Variants in ALLC observed in about 807,000 individuals in gnomAD.
ALLC encodes probable inactive allantoicase.
In ALLC, 40 loss-of-function variants were observed where a neutral mutation model predicts 45.0. That is an observed-to-expected ratio of 0.89 (90% CI 0.69 to 1.16). ALLC has a LOEUF of 1.16. Ranked by LOEUF, ALLC falls within the 50% of genes most tolerant of loss-of-function variation. The pLI is 0.00. For missense variants in ALLC, 488 were observed against 493.1 expected, an observed-to-expected ratio of 0.99 and a Z score of 0.10; for synonymous variants, 176 against 178.1, an observed-to-expected ratio of 0.99 and a Z score of 0.09.
At chr2:3,649,962 C>T in the ALLC span, among the ~76,000 whole-genome samples, 2 of 152,394 alleles carry the variant, frequency 1.3e-5, no homozygotes, top group African/African-American at 2.4e-5. Context: ...CGTAGCTTCC[C>T]CAGCTACAGC....
At chr2:3,652,782 G>A in the ALLC span, among the ~76,000 whole-genome samples, 5 of 152,008 alleles carry the variant, frequency 3.3e-5, no homozygotes, top group African/African-American at 1.2e-4. Context: ...GGGTTTCACC[G>A]TGTTGCGCAG....
chr2:3,668,766 G>A (rs890825845), intron 1 of ALLC, among the ~76,000 whole-genome samples: 13 of 151,218 alleles, frequency 8.6e-5, no homozygotes, highest in African/African-American at 2.9e-4. Context: ...AGTAGAGACG[G>A]GGTTTCTCTA....
chr2:3,695,723 G>A lies in ALLC; in HGVS notation c.518G>A (p.Gly173Glu). 6.2e-7 allele frequency: 1 copy of A among 1,613,958 alleles called. No homozygotes were observed. Among genetic ancestry groups the A allele is most frequent in the Non-Finnish European group, 8.5e-7 (1 of 1,179,872 alleles). The change falls in exon 8 of 12, where the codon GGA (glycine) becomes GAA (glutamate). Residue 173 changes from glycine to glutamate, a missense_variant. By Grantham distance (98) the Gly-to-Glu change is moderately conservative (BLOSUM62 -2). Transcript: ENST00000252505. Reference protein sequence around the residue: ...HIRLNIFPDGGIARLRVFGTG... With the variant: ...HIRLNIFPDGEIARLRVFGTG... The stretch of plus-strand genomic sequence containing the variant: ...AGGCACCTTTCCTTTTCAGATGGTG[G>A]AATTGCACGACTTAGAGTATTCGGT...
At chr2:3,673,201 C>G (rs1439917858) in intron 2 of ALLC, among the ~76,000 whole-genome samples, 1 of 152,218 alleles carries the variant, frequency 6.6e-6, no homozygotes, top group Non-Finnish European at 1.5e-5. Context: ...CCAGGTGGCT[C>G]AGTGTTTCAA....
In ALLC at chr2:3,676,309, G is replaced by A. The variant is rs540824161; in HGVS notation, c.85-2159G>A. Among the ~76,000 whole-genome samples the A allele has an allele frequency of 5.9e-5, 9 of 152,330 alleles. No homozygotes were observed. In the East Asian group the frequency reaches 7.7e-4, roughly 13 times the overall value. The stretch of plus-strand genomic sequence containing the variant: ...TTTGGTGGGGGTGGGGCAGGATCTC[G>A]CTGTGATCAGGCTGTCAGGCTGGGG... On this transcript the variant is annotated intron_variant, in intron 3 of 11. Transcript: ENST00000252505.
chr2:3,681,785 T>C, intron 6 of ALLC, 72 bp downstream of exon 6: 2 of 1,243,768 alleles, frequency 1.6e-6, no homozygotes. Context: ...TCTGCACACC[T>C]GGCTGTGCAA....
chr2:3,650,634 C>G, the ALLC span, among the ~76,000 whole-genome samples: 1 of 152,230 alleles, frequency 6.6e-6, no homozygotes, highest in Non-Finnish European at 1.5e-5. Flanking sequence ...TCCAGATGCT[C>G]TGCTCCTGGG....
In ALLC at chr2:3,674,125, G is replaced by A. The variant is rs899219181; in HGVS notation, c.84G>A (p.Lys28=). The change falls in exon 3 of 12, where the codon AAG becomes AAA. Residue 28 remains lysine (K), a splice_region_variant and synonymous_variant. Coordinates refer to ENST00000252505, the MANE Select transcript of ALLC (RefSeq NM_018436.4). The stretch of plus-strand genomic sequence containing the variant: ...TTGCTCCTGCAGAAAACCTCATAAA[G>A]GTATTGTAAATTGACATTCTGCAAT... ...DFFAPAENLI[K]SDSPCFKEHE... is the part of the protein sequence containing the mutation. 1.3e-6 allele frequency: 2 copies of A among 1,559,432 alleles called. No individual in the cohort carries two copies. The highest frequency in any genetic ancestry group is 1.4e-5 in the African/African-American group (1 of 73,876).
At chr2:3,669,218 A>G (rs1321822131) in intron 1 of ALLC, among the ~76,000 whole-genome samples, 1 of 152,126 alleles carries the variant, frequency 6.6e-6, no homozygotes, top group Non-Finnish European at 1.5e-5. Flanking sequence ...TCACGCCTGT[A>G]ATCCCAGCAC....
intron 1 of ALLC, among the ~76,000 whole-genome samples, chr2:3,662,873 G>A (rs12621171): frequency 0.16 from 24,022 of 152,168 alleles, 2,065 homozygotes; most frequent in East Asian, 0.35. Context: ...TTGCAGTGGC[G>A]AGGGGATATA....
upstream of ALLC, among the ~76,000 whole-genome samples, chr2:3,657,605 C>T (rs180729117): frequency 6.4e-4 from 97 of 152,312 alleles, no homozygotes; most frequent in Admixed American, 4.8e-3. Flanking sequence ...TACTGCATGT[C>T]GAAGCCGGGC....
chr2:3,672,643 G>C (rs182744901), intron 2 of ALLC, among the ~76,000 whole-genome samples: 2,647 of 91,766 alleles, frequency 0.029, 12 homozygotes, highest in African/African-American at 0.038. Flanking sequence ...CTGGTTAGAT[G>C]GGAGGTCCTC....
chr2:3,700,373 T>C (rs970175635), intron 10 of ALLC, among the ~76,000 whole-genome samples: 3 of 152,244 alleles, frequency 2.0e-5, no homozygotes, highest in South Asian at 2.1e-4. Context: ...TTCTGGATTT[T>C]CTTGTTCATA....
intron 7 of ALLC, chr2:3,694,717 TA>T (rs1667614179): frequency 6.6e-6 from 1 of 152,250 alleles, no homozygotes; most frequent in African/African-American, 2.4e-5. Flanking sequence ...TTATTTGTTG[TA>T]AATAGCAAGA....
In ALLC at chr2:3,679,931, G is replaced by A. The variant is rs1276153447; in HGVS notation, c.235G>A (p.Val79Ile). ...AGTCATCCGGGGCTTCGACGTGGAC[G>A]TTTCTTACTTCACGGGAGATTACGC... ...QGVIRGFDVD[V>I]SYFTGDYAPR... The change falls in exon 5 of 12, where the codon GTT (valine) becomes ATT (isoleucine). Residue 79 changes from valine to isoleucine, a missense_variant. Val to Ile is a conservative substitution (Grantham distance 29). Coordinates refer to ENST00000252505, the MANE Select transcript of ALLC (RefSeq NM_018436.4). 3 of 1,613,976 alleles carry A rather than the reference G, an allele frequency of 1.9e-6. No homozygotes were observed. Among genetic ancestry groups the A allele is most frequent in the East Asian group, 2.2e-5 (1 of 44,882 alleles).
intron 10 of ALLC, among the ~76,000 whole-genome samples, chr2:3,701,054 G>A (rs988916185): frequency 1.3e-5 from 2 of 152,180 alleles, no homozygotes; most frequent in African/African-American, 4.8e-5. Flanking sequence ...GTGTGTGGCT[G>A]GTGCCCAGCG....
chr2:3,680,131 A>G lies in ALLC; in HGVS notation c.298+137A>G. The G allele has an allele frequency of 8.1e-7, 1 of 1,232,448 alleles. No homozygotes were observed. Among genetic ancestry groups the G allele is most frequent in the African/African-American group, 1.5e-5 (1 of 66,432 alleles). 76.3% of individuals were successfully genotyped at this position (1,232,448 alleles called of 1,614,324 possible). A position where few individuals can be genotyped will look rare whatever the true frequency, so the allele number is the denominator to read the frequency against. On this transcript the variant is annotated intron_variant, in intron 5 of 11. Transcript: ENST00000252505. The surrounding 1 kb of genome is among the most constrained non-coding windows in gnomAD (Gnocchi z 4.0). Reference sequence around the variant, plus strand: ...GCTTGACTAAGGCTACTTTACTGTAACGGGGCTGTAGGACCAGGACTCCTA... The same window carrying G: ...GCTTGACTAAGGCTACTTTACTGTAGCGGGGCTGTAGGACCAGGACTCCTA...
At chr2:3,672,532 G>T (rs1437973016) in intron 2 of ALLC, among the ~76,000 whole-genome samples, 2 of 131,352 alleles carry the variant, frequency 1.5e-5, no homozygotes, top group Non-Finnish European at 3.3e-5. Context: ...TCTGGGTCTG[G>T]TTAGATAGGA....
Position 3,695,775 on chromosome 2 carries a change from T to G in ALLC, c.570T>G (p.Thr190=). 1 of 1,614,040 alleles carries G rather than the reference T, an allele frequency of 6.2e-7. No homozygotes were observed. Among genetic ancestry groups the G allele is most frequent in the Non-Finnish European group, 8.5e-7 (1 of 1,179,896 alleles). ...CTGGACAAAAAGACTGGACTGCAAC[T>G]GACCCCAAAGAACCTGCAGACCTAG... ...FGTGQKDWTA[T]DPKEPADLVA... Residue 190 remains threonine, a synonymous_variant, in exon 8 of 12, where the codon ACT becomes ACG. Coordinates refer to ENST00000252505, the MANE Select transcript of ALLC (RefSeq NM_018436.4).
Sources: allele counts gnomAD v4.1 joint callset (sites outside exome capture counted in the v4.1 genomes callset), GRCh38; gene constraint gnomAD v4.1.1; non-coding constraint Gnocchi (gnomAD v3.1); transcripts MANE v1.5; gene names NCBI Gene and HGNC (gene_info 2026-07-23, HGNC 2026-07-21).